PEPD: variants seen among roughly 807,000 people sequenced by gnomAD.
PEPD encodes peptidase D, also known as xaa-Pro dipeptidase.
PEPD carries 53 observed loss-of-function variants against 60.7 expected under a neutral mutation model. That is an observed-to-expected ratio of 0.87 (90% CI 0.70 to 1.10). The LOEUF (loss-of-function observed/expected upper bound fraction) is 1.10, where lower values mean the gene tolerates loss of function less well. Ranked by LOEUF, PEPD falls within the 50% of genes least tolerant of loss-of-function variation. The pLI is 0.00. For missense variants in PEPD, 711 were observed against 711.9 expected (o/e 1.00, Z 0.01); for synonymous variants, 267 against 284.1 (o/e 0.94, Z 0.60).
intron 12 of PEPD, among the ~76,000 whole-genome samples, chr19:33,397,665 G>A (rs148760346): frequency 1.3e-5 from 2 of 152,018 alleles, no homozygotes; most frequent in African/African-American, 4.8e-5. Context: ...CCAGACCCCA[G>A]GCTGGGTCTG....
chr19:33,423,021 C>T (rs1969063013), intron 9 of PEPD, among the ~76,000 whole-genome samples: 1 of 151,858 alleles, frequency 6.6e-6, no homozygotes, highest in South Asian at 2.1e-4. Flanking sequence ...TCCATCCAGC[C>T]ATCATCCTAT....
chr19:33,443,616 G>A (rs1969526910), intron 9 of PEPD, among the ~76,000 whole-genome samples: 1 of 151,888 alleles, frequency 6.6e-6, no homozygotes, highest in South Asian at 2.1e-4. Context: ...ATAAAAACAA[G>A]TCAAAGATAG....
At chr19:33,451,205 C>G (rs190955190) in intron 9 of PEPD, among the ~76,000 whole-genome samples, 99 of 152,322 alleles carry the variant, frequency 6.5e-4, no homozygotes, top group Non-Finnish European at 1.4e-3. Context: ...CCCTTGAATT[C>G]TTTCCTGGGT....
intron 10 of PEPD, 60 bp from the exon 11 acceptor site, chr19:33,411,809 G>C: frequency 2.0e-6 from 2 of 1,022,044 alleles, no homozygotes; most frequent in Non-Finnish European, 3.1e-6. Flanking sequence ...CTCTGAAGGA[G>C]GGGGTGGATG....
chr19:33,396,325 CT>C (rs1213440689), intron 12 of PEPD, among the ~76,000 whole-genome samples: 1 of 152,172 alleles, frequency 6.6e-6, no homozygotes, highest in Non-Finnish European at 1.5e-5. Context: ...GAGGTGCCCC[CT>C]GACCACGGGG....
At chr19:33,463,384 A>C (rs1488647382) in intron 8 of PEPD, among the ~76,000 whole-genome samples, 1 of 152,256 alleles carries the variant, frequency 6.6e-6, no homozygotes, top group East Asian at 1.9e-4. Context: ...GACGATCACT[A>C]AAAGGCCTCC....
intron 9 of PEPD, among the ~76,000 whole-genome samples, chr19:33,439,285 C>T (rs937961075): frequency 1.3e-5 from 2 of 152,222 alleles, no homozygotes; most frequent in African/African-American, 2.4e-5. Context: ...GGCCTTCCTG[C>T]CCCCTGCCTC....
chr19:33,429,659 G>A (rs754151296), intron 9 of PEPD, among the ~76,000 whole-genome samples: 1 of 152,236 alleles, frequency 6.6e-6, no homozygotes, highest in African/African-American at 2.4e-5. Flanking sequence ...AAGCAATTTC[G>A]CAAAGGCATA....
At chr19:33,465,165 C>T (rs565011944) in intron 7 of PEPD, among the ~76,000 whole-genome samples, 5 of 152,180 alleles carry the variant, frequency 3.3e-5, no homozygotes, top group Non-Finnish European at 7.3e-5. Flanking sequence ...TACACTTGTT[C>T]CAGAAACCAA....
chr19:33,421,749 C>G (rs1969024365), intron 9 of PEPD, among the ~76,000 whole-genome samples: 1 of 152,122 alleles, frequency 6.6e-6, no homozygotes, highest in Non-Finnish European at 1.5e-5. Context: ...CCCACCTCGG[C>G]CTCCCAAAGG....
chr19:33,512,013 A>G (rs532542719), intron 2 of PEPD, among the ~76,000 whole-genome samples: 261 of 152,238 alleles, frequency 1.7e-3, no homozygotes, highest in African/African-American at 6.1e-3. Context: ...CTCCACACTC[A>G]GCTCCCCTTC....
chr19:33,413,751 C>T (rs574794433), intron 9 of PEPD, 108 bp from the exon 10 acceptor site: 6 of 711,522 alleles, frequency 8.4e-6, no homozygotes, highest in East Asian at 5.4e-5. Context: ...TCTCCCCTGC[C>T]GTGGCCCCAC....
intron 13 of PEPD, among the ~76,000 whole-genome samples, chr19:33,390,974 C>T (rs1286209818): frequency 1.3e-5 from 2 of 152,262 alleles, no homozygotes; most frequent in East Asian, 3.9e-4. Flanking sequence ...AAGACCTGTC[C>T]TTAGCACCAC....
chr19:33,397,608 T>TG (rs1188914055), intron 12 of PEPD, among the ~76,000 whole-genome samples: 4 of 129,818 alleles, frequency 3.1e-5, no homozygotes, highest in Non-Finnish European at 4.9e-5. Context: ...GTGGTAGGTG[T>TG]GGGGGGGCTG....
intron 12 of PEPD, among the ~76,000 whole-genome samples, chr19:33,397,290 T>C (rs1968387940): frequency 6.6e-6 from 1 of 152,078 alleles, no homozygotes; most frequent in South Asian, 2.1e-4. Flanking sequence ...GCCTCTCCTT[T>C]GGGCTTAGCT....
intron 9 of PEPD, among the ~76,000 whole-genome samples, chr19:33,442,636 G>A (rs554237796): frequency 6.6e-6 from 1 of 152,026 alleles, no homozygotes; most frequent in African/African-American, 2.4e-5. Flanking sequence ...TTGAACCTGG[G>A]ATGCAGAGGT....
chr19:33,432,935 C>T (rs757561166), intron 9 of PEPD, among the ~76,000 whole-genome samples: 23 of 152,250 alleles, frequency 1.5e-4, no homozygotes, highest in Non-Finnish European at 3.1e-4. Context: ...TCGGCCTCCT[C>T]GGCTATAGCA....
At chr19:33,466,217 A>G (rs903202782) in intron 7 of PEPD, among the ~76,000 whole-genome samples, 4 of 152,236 alleles carry the variant, frequency 2.6e-5, no homozygotes, top group African/African-American at 7.2e-5. Context: ...TCTTCTCTCA[A>G]TAAGAAAGAC....
chr19:33,476,903 T>C (rs181581257), intron 7 of PEPD, among the ~76,000 whole-genome samples: 87 of 152,244 alleles, frequency 5.7e-4, no homozygotes, highest in Admixed American at 1.5e-3. Flanking sequence ...GACCTCATGA[T>C]CCACCCACCT....
Sources: gnomAD v4.1 joint callset for allele counts (sites outside exome capture counted in the v4.1 genomes callset) on GRCh38, gnomAD v4.1.1 for gene constraint, MANE v1.5 for transcripts, NCBI Gene and HGNC (gene_info 2026-07-23, HGNC 2026-07-21) for gene names.